Variants in CTNNA3 observed in about 807,000 individuals in gnomAD.
The protein encoded by CTNNA3 is catenin alpha-3.
CTNNA3 carries 76 observed loss-of-function variants against 95.7 expected under a neutral mutation model. That is an observed-to-expected ratio of 0.79 (90% CI 0.66 to 0.96). The LOEUF (loss-of-function observed/expected upper bound fraction) is 0.96, where lower values mean the gene tolerates loss of function less well. CTNNA3 is among the 40% of genes least tolerant of loss of function. The probability of loss-of-function intolerance (pLI) is 0.00; values close to 1 mark genes in which losing one functional copy is unlikely to be tolerated. For missense variants in CTNNA3, 1,191 were observed against 1,089.8 expected, an observed-to-expected ratio of 1.09 and a Z score of -1.31; for synonymous variants, 431 against 374.4, an observed-to-expected ratio of 1.15 and a Z score of -1.74.
At chr10:67,426,255 C>G (rs561935211) in intron 5 of CTNNA3, among the ~76,000 whole-genome samples, 4 of 151,900 alleles carry the variant, frequency 2.6e-5, no homozygotes, top group Non-Finnish European at 5.9e-5. Flanking sequence ...ACTTTTGAAG[C>G]AAAGAAATGG....
chr10:67,620,923 G>GTATATATATATATATATATATA (rs56300519), intron 2 of CTNNA3, among the ~76,000 whole-genome samples: 3 of 123,834 alleles, frequency 2.4e-5, no homozygotes, highest in Non-Finnish European at 3.4e-5. Context: ...GTGTGTGTGT[G>GTATATATATATATATATATATA]TATATATATA....
At chr10:67,146,018 A>T (rs1337784045) in intron 7 of CTNNA3, among the ~76,000 whole-genome samples, 1 of 152,144 alleles carries the variant, frequency 6.6e-6, no homozygotes, top group Non-Finnish European at 1.5e-5. Flanking sequence ...TCCAAGTGTG[A>T]ATTACTGGGT....
chr10:66,682,828 G>A (rs571974908), intron 9 of CTNNA3, among the ~76,000 whole-genome samples: 165 of 152,126 alleles, frequency 1.1e-3, no homozygotes, highest in African/African-American at 3.9e-3. Context: ...ATTTAAATGT[G>A]AGTCAAAAGA....
At chr10:67,179,494 CAAAAA>C (rs35292826) in intron 7 of CTNNA3, among the ~76,000 whole-genome samples, 1 of 85,292 alleles carries the variant, frequency 1.2e-5, no homozygotes, top group South Asian at 3.6e-4. Flanking sequence ...GCTAAAACTT[CAAAAA>C]AAAAAAAAAA....
chr10:66,604,502 G>A (rs549968830), intron 10 of CTNNA3, among the ~76,000 whole-genome samples: 1 of 152,268 alleles, frequency 6.6e-6, no homozygotes, highest in South Asian at 2.1e-4. Context: ...GATGAAGACA[G>A]ATCCTGCTGT....
intron 7 of CTNNA3, among the ~76,000 whole-genome samples, chr10:66,858,770 T>A (rs1179817068): frequency 6.6e-6 from 1 of 151,962 alleles, no homozygotes; most frequent in Middle Eastern, 3.2e-3. Flanking sequence ...TAGTTGGATA[T>A]CCTCTCTTTT....
intron 12 of CTNNA3, among the ~76,000 whole-genome samples, chr10:66,361,530 C>CTCTA (rs1554944946): frequency 6.8e-6 from 1 of 147,732 alleles, no homozygotes; most frequent in Non-Finnish European, 1.5e-5. Context: ...GCATCTTTCT[C>CTCTA]TCTTTCTTTC....
intron 12 of CTNNA3, among the ~76,000 whole-genome samples, chr10:66,290,529 T>A (rs1461324445): frequency 2.0e-5 from 3 of 152,110 alleles, no homozygotes; most frequent in African/African-American, 4.8e-5. Flanking sequence ...AAATGTATCA[T>A]GTATTTATTT....
chr10:66,102,111 A>G (rs1380839499), intron 14 of CTNNA3, among the ~76,000 whole-genome samples: 1 of 152,158 alleles, frequency 6.6e-6, no homozygotes. Flanking sequence ...GCCTTTCAAT[A>G]TAAGTGCTTC....
intron 1 of CTNNA3, among the ~76,000 whole-genome samples, chr10:67,691,454 T>A (rs948588110): frequency 4.6e-5 from 7 of 151,326 alleles, no homozygotes; most frequent in Non-Finnish European, 1.0e-4. Context: ...GAGGAGCGCC[T>A]CTTCCCGGCC....
At chr10:66,394,066 T>C (rs1348603520) in intron 11 of CTNNA3, among the ~76,000 whole-genome samples, 2 of 152,110 alleles carry the variant, frequency 1.3e-5, no homozygotes, top group African/African-American at 2.4e-5. Context: ...GTTTATGCTA[T>C]AGTAATCTAT....
At chr10:66,911,340 T>C (rs956954304) in intron 7 of CTNNA3, among the ~76,000 whole-genome samples, 1 of 152,184 alleles carries the variant, frequency 6.6e-6, no homozygotes, top group Non-Finnish European at 1.5e-5. Context: ...GATGGCGAGA[T>C]CATGGTTCAT....
intron 10 of CTNNA3, among the ~76,000 whole-genome samples, chr10:66,565,281 T>C (rs1842671090): frequency 6.6e-6 from 1 of 152,148 alleles, no homozygotes; most frequent in Non-Finnish European, 1.5e-5. Flanking sequence ...AGCACCATTT[T>C]ACGTTCTGGG....
chr10:67,601,397 G>T (rs1843078976), intron 3 of CTNNA3, among the ~76,000 whole-genome samples: 1 of 152,090 alleles, frequency 6.6e-6, no homozygotes, highest in Non-Finnish European at 1.5e-5. Flanking sequence ...TCACAATAGG[G>T]CTCACACTCC....
At chr10:67,156,757 T>G (rs1258681063) in intron 7 of CTNNA3, among the ~76,000 whole-genome samples, 2 of 152,162 alleles carry the variant, frequency 1.3e-5, no homozygotes, top group Admixed American at 1.3e-4. Context: ...GAATGTATAT[T>G]CTGTTGTTTT....
At chr10:66,801,294 A>C (rs1309950184) in intron 7 of CTNNA3, among the ~76,000 whole-genome samples, 3 of 151,436 alleles carry the variant, frequency 2.0e-5, no homozygotes, top group Non-Finnish European at 3.0e-5. Context: ...ACAGGCTACA[A>C]GTTCAACAAT....
chr10:67,550,955 C>CAGGGAAAGGAGGCAGAGAAGAGCT, intron 3 of CTNNA3, among the ~76,000 whole-genome samples: 1 of 152,184 alleles, frequency 6.6e-6, no homozygotes, highest in African/African-American at 2.4e-5. Context: ...TTGCTATTGA[C>CAGGGAAAGGAGGCAGAGAAGAGCT]AGGGAAAGGA....
intron 7 of CTNNA3, among the ~76,000 whole-genome samples, chr10:66,904,889 G>T (rs1333425763): frequency 6.6e-6 from 1 of 152,198 alleles, no homozygotes; most frequent in Non-Finnish European, 1.5e-5. Flanking sequence ...TGGAGAGGAT[G>T]TGGAGAAATA....
chr10:67,176,512 A>G (rs1405093931), intron 7 of CTNNA3, among the ~76,000 whole-genome samples: 1 of 152,202 alleles, frequency 6.6e-6, no homozygotes. Context: ...TTCGAAATGA[A>G]AGGATTGATA....
Sources: gnomAD v4.1 joint callset for allele counts (sites outside exome capture counted in the v4.1 genomes callset) on GRCh38, gnomAD v4.1.1 for gene constraint, MANE v1.5 for transcripts, NCBI Gene and HGNC (gene_info 2026-07-23, HGNC 2026-07-21) for gene names.